The following RNF10 variants were observed in gnomAD, a reference collection of about 807,000 sequenced individuals.
RNF10 encodes E3 ubiquitin-protein ligase RNF10.
In RNF10, 38 loss-of-function variants were observed where a neutral mutation model predicts 91.4. The observed-to-expected ratio is 0.42, with a 90% CI of 0.32 to 0.54. The LOEUF (loss-of-function observed/expected upper bound fraction) is 0.54. Among genes scored for constraint, RNF10 ranks in the 20% least tolerant of loss-of-function variants. The pLI is 0.16. For synonymous variants in RNF10, 364 were observed against 366.3 expected (o/e 0.99, Z 0.07); for missense variants, 945 against 1,012.0 (o/e 0.93, Z 0.90).
rs1468124287 is a variant in RNF10, at chr12:120,563,081, TC to T, written c.1254+13del. 19 of 1,613,922 alleles carry T rather than the reference TC, an allele frequency of 1.2e-5. No homozygotes were observed. The highest frequency in any genetic ancestry group is 1.5e-5 in the Non-Finnish European group (18 of 1,179,984). On this transcript the variant is annotated intron_variant, in intron 8 of 16. Transcript: ENST00000325954. ...TTTCAACCCAGGAAGGTTAGTGTGT[TC>T]CTGTTACTAAGTGGCTGCCGTTCCT...
At chr12:120,544,235 A>T (rs1565946490) in intron 1 of RNF10, among the ~76,000 whole-genome samples, 1 of 151,974 alleles carries the variant, frequency 6.6e-6, no homozygotes, top group East Asian at 1.9e-4. Flanking sequence ...AAACAAAAAA[A>T]AGATAAACCA....
At chr12:120,571,667 A>C (rs1334450517) in intron 14 of RNF10, among the ~76,000 whole-genome samples, 1 of 152,194 alleles carries the variant, frequency 6.6e-6, no homozygotes, top group African/African-American at 2.4e-5. Flanking sequence ...AGTTTAGAAT[A>C]TTTTAAAAAT....
Position 120,565,420 on chromosome 12 carries a change from A to G in RNF10, c.1784-8A>G, listed in dbSNP as rs1875549812. On this transcript the variant is annotated splice_region_variant and splice_polypyrimidine_tract_variant and intron_variant, in intron 11 of 16. Coordinates refer to ENST00000325954, the MANE Select transcript of RNF10 (RefSeq NM_014868.5). The stretch of plus-strand genomic sequence containing the variant: ...GGTCTACCTCTTTACAACCTGACCA[A>G]TCTGCAGATGACATTGAGAAGAGGA... 4 of 1,613,748 alleles carry G rather than the reference A, an allele frequency of 2.5e-6. No homozygotes were observed. The highest frequency in any genetic ancestry group is 3.4e-6 in the Non-Finnish European group (4 of 1,179,716).
Position 120,558,577 on chromosome 12 carries a change from A to ATAT in RNF10, c.967+896_967+897insATT, listed in dbSNP as rs144584909. Among the ~76,000 whole-genome samples the ATAT allele has an allele frequency of 7.2e-4, 106 of 148,210 alleles. No homozygotes were observed. In the Middle Eastern group the frequency reaches 0.018, roughly 25 times the overall value. On this transcript the variant is annotated intron_variant, in intron 6 of 16. Coordinates refer to ENST00000325954, the MANE Select transcript of RNF10 (RefSeq NM_014868.5). ...TATATAATATAATATGTATATATATATTTTTTTTTGAGACAGAGTCTGGCT... is the reference window on the plus strand; with the variant it reads ...TATATAATATAATATGTATATATATATATTTTTTTTTTGAGACAGAGTCTGGCT...
intron 3 of RNF10, among the ~76,000 whole-genome samples, chr12:120,553,026 G>A (rs1453520325): frequency 3.7e-5 from 5 of 133,402 alleles, no homozygotes; most frequent in Non-Finnish European, 7.9e-5. Flanking sequence ...TCCTTTATAA[G>A]GAAGAGGAAA....
At chr12:120,563,781 T>C (rs1211189087) in intron 9 of RNF10, 29 bp from the exon 10 acceptor site, 7 of 1,612,758 alleles carry the variant, frequency 4.3e-6, no homozygotes, top group African/African-American at 1.3e-5. Context: ...TGGCCAAGAC[T>C]GGTGTGTGAT....
In RNF10 at chr12:120,577,047, C is replaced by G; in HGVS notation, c.*381C>G. On this transcript the variant is annotated 3_prime_UTR_variant, in exon 17 of 17. Coordinates refer to ENST00000325954, the MANE Select transcript of RNF10 (RefSeq NM_014868.5). ...ACACTGCTCTGCTGTAGCATCATGT[C>G]AGGGCTTCCTGGACTCAGTACACCT... 1 of 389,146 alleles carries G rather than the reference C, an allele frequency of 2.6e-6. No individual in the cohort carries two copies. Among genetic ancestry groups the G allele is most frequent in the Non-Finnish European group, 5.0e-6 (1 of 200,070 alleles). The allele number at this position is 389,146 out of a possible 1,614,324, so 24.1% of individuals were successfully genotyped here.
intron 1 of RNF10, among the ~76,000 whole-genome samples, chr12:120,535,697 T>A (rs563769184): frequency 6.6e-6 from 1 of 152,380 alleles, no homozygotes; most frequent in South Asian, 2.1e-4. Context: ...TATTGTTGTG[T>A]GTTGGACTAT....
intron 1 of RNF10, among the ~76,000 whole-genome samples, chr12:120,545,271 C>T (rs1483606390): frequency 6.6e-6 from 1 of 152,072 alleles, no homozygotes; most frequent in Non-Finnish European, 1.5e-5. Flanking sequence ...AGCTCTGCCT[C>T]CTGGGGTTCA....
In RNF10 at chr12:120,571,250, G is replaced by C; in HGVS notation, c.2101G>C (p.Gly701Arg). Residue 701 changes from glycine to arginine, a missense_variant, in exon 14 of 17, where the codon GGG becomes CGG. Transcript: ENST00000325954. ...TCAGGGCAGTCCCTCATTCTGCGTT[G>C]GGAGTCTGGAAGAAGACTCTCCCTT... Reference protein sequence around the residue: ...ASQGSPSFCVGSLEEDSPFPS... With the variant: ...ASQGSPSFCVRSLEEDSPFPS... 6.2e-7 allele frequency: 1 copy of C among 1,614,092 alleles called. No individual in the cohort carries two copies. Among genetic ancestry groups the C allele is most frequent in the Non-Finnish European group, 8.5e-7 (1 of 1,179,988 alleles).
In RNF10 at chr12:120,554,774, A is replaced by T; in HGVS notation, c.611A>T (p.Asp204Val). 1.9e-6 allele frequency: 3 copies of T among 1,614,124 alleles called. No individual in the cohort carries two copies. Among genetic ancestry groups the T allele is most frequent in the Non-Finnish European group, 8.5e-7 (1 of 1,179,978 alleles). ...TACACAGCTCATTTTGCTGATCCTGATACATTAGTTAACTGGGACTTTGTG... is the reference window on the plus strand; with the variant it reads ...TACACAGCTCATTTTGCTGATCCTGTTACATTAGTTAACTGGGACTTTGTG... ...QDYTAHFADPDTLVNWDFVEQ... is the reference protein window; with the variant it reads ...QDYTAHFADPVTLVNWDFVEQ... The change falls in exon 4 of 17, where the codon GAT (aspartate) becomes GTT (valine). Residue 204 changes from aspartate (D) to valine (V), a missense_variant. Transcript: ENST00000325954.
intron 13 of RNF10, 58 bp from the exon 14 acceptor site, chr12:120,571,133 T>C: frequency 1.7e-6 from 2 of 1,183,640 alleles, no homozygotes; most frequent in Non-Finnish European, 2.5e-6. Context: ...TCATCTCTCT[T>C]GTTAAGGACA....
chr12:120,546,040 G>C (rs976750207), intron 1 of RNF10, among the ~76,000 whole-genome samples: 5 of 152,154 alleles, frequency 3.3e-5, no homozygotes, highest in African/African-American at 9.7e-5. Flanking sequence ...CCTGTTACCA[G>C]GTAAAATACT....
intron 13 of RNF10, 85 bp downstream of exon 13, chr12:120,567,065 T>A: frequency 7.4e-7 from 1 of 1,357,398 alleles, no homozygotes; most frequent in Non-Finnish European, 1.0e-6. Context: ...CCCGGCCCAC[T>A]CAGCATGGTG....
At chr12:120,535,057 C>T (rs1397676010) in intron 1 of RNF10, 89 bp downstream of exon 1, 3 of 1,381,392 alleles carry the variant, frequency 2.2e-6, no homozygotes, top group Non-Finnish European at 2.9e-6. Flanking sequence ...TACTCGGGGA[C>T]AGGCTCCACT....
chr12:120,549,589 G>A (rs1872750749), intron 2 of RNF10, among the ~76,000 whole-genome samples: 1 of 151,990 alleles, frequency 6.6e-6, no homozygotes, highest in African/African-American at 2.4e-5. Context: ...GTTTGAGACG[G>A]GCCTGGCTAA....
chr12:120,554,898 G>C (rs1304095758), intron 4 of RNF10, 90 bp downstream of exon 4: 3 of 989,108 alleles, frequency 3.0e-6, no homozygotes, highest in Non-Finnish European at 4.8e-6. Flanking sequence ...TGTGTGCACT[G>C]CTTGATACCC....
intron 13 of RNF10, among the ~76,000 whole-genome samples, chr12:120,568,204 C>A (rs1227607064): frequency 6.6e-6 from 1 of 151,322 alleles, no homozygotes; most frequent in Non-Finnish European, 1.5e-5. Flanking sequence ...CAGATTGGGC[C>A]ACTGCACTCT....
intron 1 of RNF10, among the ~76,000 whole-genome samples, chr12:120,536,119 TAAA>T (rs1870753373): frequency 1.3e-5 from 2 of 152,022 alleles, no homozygotes; most frequent in African/African-American, 4.8e-5. Context: ...TTGTCAAGAT[TAAA>T]AAAACTGTTT....
Sources: gnomAD v4.1 joint callset for allele counts (sites outside exome capture counted in the v4.1 genomes callset) on GRCh38, gnomAD v4.1.1 for gene constraint, MANE v1.5 for transcripts, NCBI Gene and HGNC (gene_info 2026-07-23, HGNC 2026-07-21) for gene names.